The following RBMS1 variants were observed in gnomAD, a reference collection of about 807,000 sequenced individuals.
RBMS1 encodes RNA-binding motif, single-stranded-interacting protein 1.
A neutral mutation model predicts 62.3 loss-of-function variants in RBMS1; 17 were observed. The ratio of observed to expected loss-of-function variants is 0.27; its 90% CI spans 0.19 to 0.41. The LOEUF is 0.41. RBMS1 is among the 10% of genes least tolerant of loss of function. The probability of loss-of-function intolerance (pLI) is 1.00; values close to 1 mark genes in which losing one functional copy is unlikely to be tolerated. For missense variants in RBMS1, 334 were observed against 504.5 expected, an observed-to-expected ratio of 0.66 and a Z score of 3.24; for synonymous variants, 172 against 170.0, an observed-to-expected ratio of 1.01 and a Z score of -0.09.
chr2:160,370,391 T>C (rs998325207), intron 1 of RBMS1, among the ~76,000 whole-genome samples: 1 of 152,196 alleles, frequency 6.6e-6, no homozygotes, highest in African/African-American at 2.4e-5. Context: ...TCCCAGCACT[T>C]TGGGAGGCCG....
intron 1 of RBMS1, among the ~76,000 whole-genome samples, chr2:160,408,156 A>AC (rs946301987): frequency 1.3e-4 from 19 of 150,954 alleles, no homozygotes; most frequent in Middle Eastern, 6.8e-3. Flanking sequence ...GGAGTAGCCA[A>AC]CCCCCCTCCT....
At chr2:160,283,660 C>A (rs944885830) in intron 9 of RBMS1, 1 of 152,108 alleles carries the variant, frequency 6.6e-6, no homozygotes, top group African/African-American at 2.4e-5. Context: ...TTGGCCAATT[C>A]ATTATTTAAA....
chr2:160,450,651 T>C (rs1553528107), intron 1 of RBMS1, among the ~76,000 whole-genome samples: 1 of 152,014 alleles, frequency 6.6e-6, no homozygotes, highest in Non-Finnish European at 1.5e-5. Context: ...CTTCTTCCTT[T>C]GGATTAAATC....
At chr2:160,351,583 C>T (rs571762861) in intron 2 of RBMS1, among the ~76,000 whole-genome samples, 66 of 152,154 alleles carry the variant, frequency 4.3e-4, no homozygotes, top group African/African-American at 1.5e-3. Flanking sequence ...TTTTAAAAAA[C>T]TTTCAACAAA....
intron 4 of RBMS1, among the ~76,000 whole-genome samples, chr2:160,311,232 C>CTATATATCTACATATCTATATATA (rs1689866017): frequency 8.8e-5 from 7 of 79,250 alleles, no homozygotes; most frequent in Non-Finnish European, 1.8e-4. Context: ...ATCTATCTAT[C>CTATATATCTACATATCTATATATA]TATATATATA....
chr2:160,352,915 G>A (rs758670656), intron 2 of RBMS1, among the ~76,000 whole-genome samples: 5 of 152,106 alleles, frequency 3.3e-5, no homozygotes, highest in Non-Finnish European at 7.4e-5. Context: ...CACGTGAATA[G>A]CTGTATTATT....
chr2:160,445,412 A>T (rs1240151649), intron 1 of RBMS1, among the ~76,000 whole-genome samples: 1 of 152,244 alleles, frequency 6.6e-6, no homozygotes, highest in Non-Finnish European at 1.5e-5. Flanking sequence ...TTGCTGTTAC[A>T]GTGTTCCTGA....
At chr2:160,281,796 A>T (rs922087115) in intron 9 of RBMS1, 2 of 181,782 alleles carry the variant, frequency 1.1e-5, no homozygotes, top group African/African-American at 4.8e-5. Context: ...GCTAACCCTT[A>T]AAGTATGTGC....
At chr2:160,452,677 C>T (rs12692602) in intron 1 of RBMS1, among the ~76,000 whole-genome samples, 33,794 of 152,074 alleles carry the variant, frequency 0.22, 4,261 homozygotes, top group Admixed American at 0.38. Flanking sequence ...GACCTTATTA[C>T]GAGAATGGTA....
chr2:160,288,830 T>G (rs1688538962), intron 6 of RBMS1, among the ~76,000 whole-genome samples: 1 of 152,178 alleles, frequency 6.6e-6, no homozygotes, highest in Non-Finnish European at 1.5e-5. Flanking sequence ...TTTAACCTTT[T>G]TTTTGTTTTT....
intron 1 of RBMS1, among the ~76,000 whole-genome samples, chr2:160,454,422 A>G (rs1478262789): frequency 2.0e-5 from 3 of 152,244 alleles, no homozygotes; most frequent in Non-Finnish European, 4.4e-5. Flanking sequence ...TAGGTGCCAT[A>G]TAAAGAAAGA....
rs542443347 is a variant in RBMS1, at chr2:160,454,747, G to C, written c.75+38542C>G. 2.0e-4 allele frequency among the ~76,000 whole-genome samples: 31 copies of C among 152,294 alleles called. 2 individuals carry two copies. The South Asian group carries it at 6.4e-3, about 32-fold the overall frequency. Reference sequence around the variant, plus strand: ...CACTTTCTTGTAAAGGCACCAGTAAGTCACTAAGGGTTTTAGGTAGTGGGG... The same window carrying C: ...CACTTTCTTGTAAAGGCACCAGTAACTCACTAAGGGTTTTAGGTAGTGGGG... On this transcript the variant is annotated intron_variant, in intron 1 of 13. Coordinates refer to ENST00000348849, the MANE Select transcript of RBMS1 (RefSeq NM_016836.4).
chr2:160,325,414 T>C (rs755236000), intron 2 of RBMS1, among the ~76,000 whole-genome samples: 1 of 152,138 alleles, frequency 6.6e-6, no homozygotes, highest in Non-Finnish European at 1.5e-5. Context: ...AAGGTATCTA[T>C]TTGAGGGAAA....
At chr2:160,405,744 C>T (rs1395872162) in intron 1 of RBMS1, among the ~76,000 whole-genome samples, 1 of 152,202 alleles carries the variant, frequency 6.6e-6, no homozygotes, top group Non-Finnish European at 1.5e-5. Flanking sequence ...GACCAGCAGG[C>T]TACCCCCCTT....
At chr2:160,315,525 C>T (rs918397664) in intron 3 of RBMS1, among the ~76,000 whole-genome samples, 5 of 152,214 alleles carry the variant, frequency 3.3e-5, no homozygotes, top group South Asian at 2.1e-4. Context: ...AATCATGGGG[C>T]GAGCTATGTT....
intron 1 of RBMS1, among the ~76,000 whole-genome samples, chr2:160,418,893 A>G (rs529343739): frequency 1.3e-5 from 2 of 152,348 alleles, no homozygotes; most frequent in East Asian, 3.9e-4. Flanking sequence ...GGCTTGGCAC[A>G]TATTAAGTGT....
At chr2:160,397,269 T>C (rs1695197631) in intron 1 of RBMS1, among the ~76,000 whole-genome samples, 1 of 152,036 alleles carries the variant, frequency 6.6e-6, no homozygotes, top group Middle Eastern at 3.2e-3. Flanking sequence ...GAAAATCCCA[T>C]CTTTTTTATT....
intron 1 of RBMS1, among the ~76,000 whole-genome samples, chr2:160,392,322 G>A (rs1357845942): frequency 6.6e-6 from 1 of 152,144 alleles, no homozygotes; most frequent in Non-Finnish European, 1.5e-5. Flanking sequence ...TGTATTTAAA[G>A]TTTTATTGAA....
intron 2 of RBMS1, among the ~76,000 whole-genome samples, chr2:160,321,482 GTGTA>G (rs1288577092): frequency 2.6e-5 from 4 of 152,110 alleles, no homozygotes; most frequent in African/African-American, 9.7e-5. Flanking sequence ...TTCCTTGTGT[GTGTA>G]TGTGTTTTTT....
Sources: allele counts gnomAD v4.1 joint callset (sites outside exome capture counted in the v4.1 genomes callset), GRCh38; gene constraint gnomAD v4.1.1; transcripts MANE v1.5; gene names NCBI Gene and HGNC (gene_info 2026-07-23, HGNC 2026-07-21).